USP31: variants seen among roughly 807,000 people sequenced by gnomAD.
The protein encoded by USP31 is ubiquitin specific peptidase 31.
In USP31, 44 loss-of-function variants were observed where a neutral mutation model predicts 119.4. That is an observed-to-expected ratio of 0.37 (90% confidence interval 0.29 to 0.47). USP31 has a LOEUF of 0.47. USP31 is among the 20% of genes least tolerant of loss of function. The pLI, the probability that USP31 is intolerant of heterozygous loss-of-function variation, is 0.99. For synonymous variants in USP31, 749 were observed against 705.6 expected (o/e 1.06, Z -0.97); for missense variants, 1,643 against 1,730.2 (o/e 0.95, Z 0.89).
At chr16:23,099,375 T>G (rs1432027254) in intron 6 of USP31, among the ~76,000 whole-genome samples, 1 of 152,150 alleles carries the variant, frequency 6.6e-6, no homozygotes, top group Admixed American at 6.5e-5. Context: ...TTGGTGGGAG[T>G]GTAAATTAGT....
intron 14 of USP31, among the ~76,000 whole-genome samples, chr16:23,072,870 C>G (rs1686600751): frequency 6.6e-6 from 1 of 151,988 alleles, no homozygotes; most frequent in African/African-American, 2.4e-5. Context: ...GCTGTGTTAA[C>G]TGAGTGAGTG....
intron 6 of USP31, among the ~76,000 whole-genome samples, chr16:23,093,371 G>A (rs79753605): frequency 0.052 from 7,975 of 152,140 alleles, 313 homozygotes; most frequent in Non-Finnish European, 0.072. Flanking sequence ...ATGGGAAAAA[G>A]GCTTGAATAG....
At chr16:23,129,589 T>C (rs1902964345) in intron 1 of USP31, among the ~76,000 whole-genome samples, 2 of 152,190 alleles carry the variant, frequency 1.3e-5, no homozygotes, top group African/African-American at 4.8e-5. Flanking sequence ...TTGGTAGTTG[T>C]TGAAGCTGGG....
Position 23,148,966 on chromosome 16 carries a change from G to A in USP31, c.305C>T (p.Pro102Leu), listed in dbSNP as rs1301381759. 2 of 1,016,292 alleles carry A rather than the reference G, an allele frequency of 2.0e-6. No homozygotes were observed. Among genetic ancestry groups the A allele is most frequent in the Admixed American group, 6.0e-5 (1 of 16,646 alleles). The allele number at this position is 1,016,292 out of a possible 1,614,324, so 63.0% of individuals were successfully genotyped here. A position where few individuals can be genotyped will look rare whatever the true frequency, so the allele number is the denominator to read the frequency against. The change falls in exon 1 of 16, where the codon CCC (proline) becomes CTC (leucine). Residue 102 changes from proline (P) to leucine (L), a missense_variant. Physicochemically the swap from Pro to Leu is moderately conservative, Grantham distance 98. This residue lies in a region of USP31 where 302 missense variants were observed against 262.6 expected (regional missense o/e 1.15). Transcript: ENST00000219689. The stretch of plus-strand genomic sequence containing the variant: ...CGGCGGCGGGCACGGCGGCGGCGTG[G>A]GCGCGGCGGCCGGCCCGGGCGGGAA... ...SCFPPGPAAA[P>L]TPPPCPPPPA... is the part of the protein sequence containing the mutation.
At chr16:23,122,172 A>G (rs1902692668) in intron 1 of USP31, among the ~76,000 whole-genome samples, 1 of 152,246 alleles carries the variant, frequency 6.6e-6, no homozygotes, top group African/African-American at 2.4e-5. Context: ...CACTACTCTT[A>G]CAGAAATAGA....
At chr16:23,094,296 G>A (rs1901506296) in intron 6 of USP31, among the ~76,000 whole-genome samples, 1 of 152,192 alleles carries the variant, frequency 6.6e-6, no homozygotes, top group Non-Finnish European at 1.5e-5. Context: ...GCTGGGGGAG[G>A]GGCATCCACC....
rs759808218 is a variant in USP31 at position 23,072,190 on chromosome 16, T to C, written c.2343A>G (p.Thr781=). Residue 781 remains threonine (T), a synonymous_variant, in exon 15 of 16, where the codon ACA becomes ACG. Transcript: ENST00000219689. ...WSANSSVAGS[T]SSSLCEHWVS... is the part of the protein sequence containing the mutation. ...CCCAGTGTTCACACAGGGAAGAACTTGTGGAGCCTGCAGAGAAGAAAACAG... is the reference window on the plus strand; with the variant it reads ...CCCAGTGTTCACACAGGGAAGAACTCGTGGAGCCTGCAGAGAAGAAAACAG... 4 of 1,606,438 alleles carry C rather than the reference T, an allele frequency of 2.5e-6. No individual in the cohort carries two copies. The highest frequency in any genetic ancestry group is 1.1e-5 in the South Asian group (1 of 91,074).
chr16:23,149,144 C>G lies in USP31; in HGVS notation c.127G>C (p.Ala43Pro). ...AGGGGAGGPG[A>P]SGPAAPSSPS... is the part of the protein sequence containing the mutation. ...GAGGAAGGCGCGGCCGGCCCGGACGCCCCGGGGCCCCCCGCGCCGCCGCCG... is the reference window on the plus strand; with the variant it reads ...GAGGAAGGCGCGGCCGGCCCGGACGGCCCGGGGCCCCCCGCGCCGCCGCCG... The change falls in exon 1 of 16, where the codon GCG becomes CCG. Residue 43 changes from alanine (A) to proline (P), a missense_variant. Physicochemically the swap from Ala to Pro is conservative, Grantham distance 27 (BLOSUM62 -1). Coordinates refer to ENST00000219689, the MANE Select transcript of USP31 (RefSeq NM_020718.4). 2.5e-6 allele frequency: 3 copies of G among 1,184,832 alleles called. No individual in the cohort carries two copies. The highest frequency in any genetic ancestry group is 3.2e-6 in the Non-Finnish European group (3 of 950,716). 73.4% of individuals were successfully genotyped at this position (1,184,832 alleles called of 1,614,324 possible).
chr16:23,144,751 G>A (rs1903457080), intron 1 of USP31, among the ~76,000 whole-genome samples: 1 of 152,048 alleles, frequency 6.6e-6, no homozygotes, highest in Admixed American at 6.6e-5. Flanking sequence ...CAAAGTGCCG[G>A]GATTACAGAC....
intron 5 of USP31, among the ~76,000 whole-genome samples, chr16:23,103,054 C>T (rs2141869649): frequency 6.6e-6 from 1 of 152,274 alleles, no homozygotes; most frequent in South Asian, 2.1e-4. Flanking sequence ...TGAGGGACAC[C>T]TGTACTCTGA....
intron 12 of USP31, among the ~76,000 whole-genome samples, chr16:23,081,450 C>G (rs1026808388): frequency 2.0e-5 from 3 of 152,170 alleles, no homozygotes; most frequent in African/African-American, 4.8e-5. Flanking sequence ...CCTCCGCCTC[C>G]TCAGACAGTC....
At chr16:23,128,153 C>T (rs1021794489) in intron 1 of USP31, among the ~76,000 whole-genome samples, 1 of 152,216 alleles carries the variant, frequency 6.6e-6, no homozygotes, top group African/African-American at 2.4e-5. Flanking sequence ...AAAGAAATCA[C>T]TCCTTTCTTA....
At chr16:23,117,129 T>C (rs538433867) in intron 1 of USP31, among the ~76,000 whole-genome samples, 1 of 152,318 alleles carries the variant, frequency 6.6e-6, no homozygotes, top group South Asian at 2.1e-4. Flanking sequence ...TTTTGGAGCA[T>C]TTCAGATTTC....
intron 1 of USP31, among the ~76,000 whole-genome samples, chr16:23,110,491 G>A (rs1389704250): frequency 2.0e-5 from 3 of 152,178 alleles, no homozygotes; most frequent in African/African-American, 7.2e-5. Flanking sequence ...AGACAGAATG[G>A]GAGGAGATCA....
At position 23,100,681 on chromosome 16, in the gene USP31, C is replaced by T. The variant is rs1290201802; in HGVS notation, c.1234+1638G>A. 3.9e-5 allele frequency among the ~76,000 whole-genome samples: 6 copies of T among 152,110 alleles called. No individual in the cohort carries two copies. The South Asian group carries it at 6.2e-4, about 16-fold the overall frequency. Reference sequence around the variant, plus strand: ...CCAGCTACTCGGGAGGCTAAGGTTGCGGTGAGCCAAGATCATGCCACTGCA... The same window carrying T: ...CCAGCTACTCGGGAGGCTAAGGTTGTGGTGAGCCAAGATCATGCCACTGCA... On this transcript the variant is annotated intron_variant, in intron 6 of 15. Coordinates refer to ENST00000219689, the MANE Select transcript of USP31 (RefSeq NM_020718.4).
At chr16:23,101,431 G>A (rs1303366228) in intron 6 of USP31, among the ~76,000 whole-genome samples, 4 of 152,178 alleles carry the variant, frequency 2.6e-5, no homozygotes, top group African/African-American at 9.7e-5. Context: ...GGAGGTGGAA[G>A]TCAAGGAATG....
intron 1 of USP31, among the ~76,000 whole-genome samples, chr16:23,126,822 G>C (rs1254283472): frequency 6.6e-6 from 1 of 152,006 alleles, no homozygotes; most frequent in Non-Finnish European, 1.5e-5. Flanking sequence ...AAAAGCAAGA[G>C]GAGAAAATTA....
intron 1 of USP31, among the ~76,000 whole-genome samples, chr16:23,140,345 G>A (rs1903318245): frequency 6.6e-6 from 1 of 152,164 alleles, no homozygotes; most frequent in Non-Finnish European, 1.5e-5. Context: ...ATGACTTGGA[G>A]TAGGGGGGAG....
chr16:23,068,022 T>C lies in USP31; in HGVS notation c.*24A>G. 1.3e-6 allele frequency: 2 copies of C among 1,592,636 alleles called. No individual in the cohort carries two copies. Among genetic ancestry groups the C allele is most frequent in the Non-Finnish European group, 1.7e-6 (2 of 1,169,766 alleles). On this transcript the variant is annotated 3_prime_UTR_variant, in exon 16 of 16. Transcript: ENST00000219689. The stretch of plus-strand genomic sequence containing the variant: ...CTAAATAAATAAACATCTTTACAGA[T>C]AAAACACTTTGATTGCAGAAATATC...
Sources: allele counts gnomAD v4.1 joint callset (sites outside exome capture counted in the v4.1 genomes callset), GRCh38; gene constraint gnomAD v4.1.1; regional missense constraint gnomAD v4.1.1; transcripts MANE v1.5; gene names NCBI Gene and HGNC (gene_info 2026-07-23, HGNC 2026-07-21).